The following BRWD1 variants were observed in gnomAD, a reference collection of about 807,000 sequenced individuals.
The protein encoded by BRWD1 is bromodomain and WD repeat-containing protein 1.
Under a neutral mutation model 251.2 loss-of-function variants are expected in BRWD1, and 82 were observed. The ratio of observed to expected loss-of-function variants is 0.33; its 90% CI spans 0.27 to 0.39. BRWD1 has a LOEUF of 0.39. Ranked by LOEUF, BRWD1 falls within the 10% of genes least tolerant of loss-of-function variation. The probability of loss-of-function intolerance (pLI) is 1.00; values close to 1 mark genes in which losing one functional copy is unlikely to be tolerated. For missense variants in BRWD1, 2,233 were observed against 2,711.6 expected (o/e 0.82, Z 3.92); for synonymous variants, 918 against 902.8 (o/e 1.02, Z -0.30).
Position 39,266,067 on chromosome 21 carries a change from G to A in BRWD1, c.1531-1048C>T, listed in dbSNP as rs192852250. Among the ~76,000 whole-genome samples the A allele has an allele frequency of 2.6e-5, 4 of 152,106 alleles. No individual in the cohort carries two copies. In the East Asian group the frequency reaches 5.8e-4, roughly 22 times the overall value. The stretch of plus-strand genomic sequence containing the variant: ...TAACTTTCCAGTAACTAAATGTTAC[G>A]CGTTCGGTGTTGGAGAAATGAGACA... On this transcript the variant is annotated intron_variant, in intron 15 of 40. Coordinates refer to ENST00000342449, the MANE Select transcript of BRWD1 (RefSeq NM_033656.4).
chr21:39,316,235 A>G (rs2036696995), upstream of BRWD1, among the ~76,000 whole-genome samples: 1 of 152,234 alleles, frequency 6.6e-6, no homozygotes. Flanking sequence ...GTAGGACAGT[A>G]AATCTGCAAG....
chr21:39,312,943 G>T, intron 3 of BRWD1, 43 bp from the exon 4 acceptor site: 1 of 748,906 alleles, frequency 1.3e-6, no homozygotes. Context: ...CCCCTCCGGC[G>T]CGGGGGGGGC....
chr21:39,187,740 T>C lies in BRWD1; in HGVS notation c.*8519A>G. 1 of 984,830 alleles carries C rather than the reference T, an allele frequency of 1.0e-6. No individual in the cohort carries two copies. Among genetic ancestry groups the C allele is most frequent in the Non-Finnish European group, 1.2e-6 (1 of 829,404 alleles). 61.0% of individuals were successfully genotyped at this position (984,830 alleles called of 1,614,324 possible). A position where few individuals can be genotyped will look rare whatever the true frequency, so the allele number is the denominator to read the frequency against. On this transcript the variant is annotated 3_prime_UTR_variant, in exon 41 of 41. Coordinates refer to ENST00000342449, the MANE Select transcript of BRWD1 (RefSeq NM_033656.4). ...ATTTTACATAATTTGAATTACTAAA[T>C]CTTAACTTCATTGTTCCAGTATTTT...
At chr21:39,278,594 A>G (rs2035352530) in intron 10 of BRWD1, 149 bp downstream of exon 10, 1 of 580,446 alleles carries the variant, frequency 1.7e-6, no homozygotes, top group African/African-American at 1.9e-5. Context: ...GAACAAGGCT[A>G]ACAAAATAAA....
chr21:39,228,440 T>C (rs1321435922), intron 27 of BRWD1, 60 bp downstream of exon 27: 24 of 1,171,820 alleles, frequency 2.0e-5, no homozygotes, highest in Middle Eastern at 1.9e-4. Context: ...GCCAAAAAGG[T>C]AGACCAATAA....
At chr21:39,276,545 T>A (rs1003040911) in intron 11 of BRWD1, among the ~76,000 whole-genome samples, 2 of 152,212 alleles carry the variant, frequency 1.3e-5, no homozygotes, top group African/African-American at 4.8e-5. Flanking sequence ...AAATATAGGC[T>A]TTAAAGTAGC....
At chr21:39,204,510 C>T (rs922326160) in intron 37 of BRWD1, among the ~76,000 whole-genome samples, 2 of 152,068 alleles carry the variant, frequency 1.3e-5, no homozygotes, top group African/African-American at 4.8e-5. Flanking sequence ...GTTAATAAAT[C>T]CTTCATTTTA....
In BRWD1 at chr21:39,190,159, AAACAT is replaced by A. The variant is rs1482333879; in HGVS notation, c.*6095_*6099del. 6 of 984,958 alleles carry A rather than the reference AAACAT, an allele frequency of 6.1e-6. No individual in the cohort carries two copies. Among genetic ancestry groups the A allele is most frequent in the Non-Finnish European group, 6.0e-6 (5 of 829,484 alleles). 61.0% of individuals were successfully genotyped at this position (984,958 alleles called of 1,614,324 possible). On this transcript the variant is annotated 3_prime_UTR_variant, in exon 41 of 41. Transcript: ENST00000342449. Reference sequence around the variant, plus strand: ...ATGTGGTGAATAGAAACCTGGATACAAACATAACAGTTCTGACTCAACACAATCTC... The same window carrying A: ...ATGTGGTGAATAGAAACCTGGATACAAACAGTTCTGACTCAACACAATCTC...
rs773553277 is a variant in BRWD1 at position 39,196,373 on chromosome 21, AAGAACTCTTTT to A, written c.6685_6695del (p.Lys2229SerfsTer12). On this transcript the variant is annotated frameshift_variant, in exon 41 of 41. Transcript: ENST00000342449. LOFTEE classifies it high-confidence loss of function. ...TTCTCGTTTTTATTTTTGAACGTCG[AAGAACTCTTTT>A]AGATTTTGCATAGTCCAAATCCTCC... 1 of 1,613,770 alleles carries A rather than the reference AAGAACTCTTTT, an allele frequency of 6.2e-7. No homozygotes were observed. The highest frequency in any genetic ancestry group is 2.2e-5 in the East Asian group (1 of 44,860).
At position 39,191,274 on chromosome 21, in the gene BRWD1, T is replaced by G; in HGVS notation, c.*4985A>C. 14 of 985,242 alleles carry G rather than the reference T, an allele frequency of 1.4e-5. No individual in the cohort carries two copies. The highest frequency in any genetic ancestry group is 1.7e-5 in the Non-Finnish European group (14 of 829,882). The allele number at this position is 985,242 out of a possible 1,614,324, so 61.0% of individuals were successfully genotyped here. ...CCCTATCCAAGCTCATATGTAAAAC[T>G]CACAGCGCTCGCACCCCTATATTCT... On this transcript the variant is annotated 3_prime_UTR_variant, in exon 41 of 41. Transcript: ENST00000342449.
chr21:39,280,917 T>G (rs937198383), intron 8 of BRWD1, among the ~76,000 whole-genome samples: 3 of 152,132 alleles, frequency 2.0e-5, no homozygotes, highest in Admixed American at 6.6e-5. Context: ...CATCTGTACT[T>G]AATAAAATAC....
At chr21:39,184,902 A>T (rs911372281), downstream of BRWD1, 4 of 152,134 alleles carry the variant, frequency 2.6e-5, no homozygotes, top group South Asian at 8.3e-4. Flanking sequence ...TTTGGGCACC[A>T]CTTGTCTTAG....
chr21:39,298,034 T>C (rs1384504751), intron 5 of BRWD1: 2 of 986,636 alleles, frequency 2.0e-6, no homozygotes, highest in Admixed American at 1.2e-4. Context: ...CTTCCCTTTA[T>C]AACAAAGGGC....
intron 4 of BRWD1, among the ~76,000 whole-genome samples, chr21:39,299,641 A>G (rs1423695105): frequency 1.3e-5 from 2 of 152,166 alleles, no homozygotes; most frequent in Admixed American, 6.6e-5. Flanking sequence ...AAAAATCTAC[A>G]TTAACTAATC....
chr21:39,310,998 T>TA (rs1217357872), intron 4 of BRWD1, among the ~76,000 whole-genome samples: 4 of 151,474 alleles, frequency 2.6e-5, no homozygotes, highest in South Asian at 2.1e-4. Flanking sequence ...GAGAGGAAGG[T>TA]AAAAAAAGAA....
At chr21:39,208,729 G>A (rs542309958) in intron 36 of BRWD1, among the ~76,000 whole-genome samples, 43 of 151,946 alleles carry the variant, frequency 2.8e-4, no homozygotes, top group Non-Finnish European at 3.7e-4. Flanking sequence ...GCGCCAACAC[G>A]GGCTAATTTT....
chr21:39,218,120 T>C, intron 31 of BRWD1, 32 bp downstream of exon 31: 1 of 1,574,810 alleles, frequency 6.3e-7, no homozygotes, highest in African/African-American at 1.4e-5. Context: ...AATATAGCTT[T>C]TTAAACATTT....
At chr21:39,284,783 T>C (rs571953439) in intron 8 of BRWD1, among the ~76,000 whole-genome samples, 109 of 152,336 alleles carry the variant, frequency 7.2e-4, no homozygotes, top group African/African-American at 2.6e-3. Flanking sequence ...TTTTTTTCTA[T>C]TGAGTTGAGT....
rs1386668709 is a variant in BRWD1 at position 39,199,306 on chromosome 21, T to C, written c.5110A>G (p.Ser1704Gly). The change falls in exon 40 of 41, where the codon AGT becomes GGT. Residue 1704 changes from serine to glycine, a missense_variant. Coordinates refer to ENST00000342449, the MANE Select transcript of BRWD1 (RefSeq NM_033656.4). ...KDENQLLPVS[S>G]SHTAQSNVDE... ...ACATTGCTCTGGGCAGTGTGAGAAC[T>C]GGACACTGGTAATAGTTGATTTTCA... is the stretch of plus-strand genomic sequence containing the variant. 1.2e-6 allele frequency: 2 copies of C among 1,614,092 alleles called. No individual in the cohort carries two copies. Among genetic ancestry groups the C allele is most frequent in the Non-Finnish European group, 8.5e-7 (1 of 1,180,032 alleles).
Sources: allele counts gnomAD v4.1 joint callset (sites outside exome capture counted in the v4.1 genomes callset), GRCh38; gene constraint gnomAD v4.1.1; transcripts MANE v1.5; gene names NCBI Gene and HGNC (gene_info 2026-07-23, HGNC 2026-07-21).